Variants in MAN1C1 observed in about 807,000 individuals in gnomAD.
MAN1C1 encodes mannosidase alpha class 1C member 1.
In MAN1C1, 49 loss-of-function variants were observed where a neutral mutation model predicts 71.5. That is an observed-to-expected ratio of 0.69 (90% CI 0.54 to 0.87). The LOEUF is 0.87. Among genes scored for constraint, MAN1C1 ranks in the 40% least tolerant of loss-of-function variants. MAN1C1 has a pLI of 0.00. For synonymous variants in MAN1C1, 352 were observed against 343.7 expected (o/e 1.02, Z -0.27); for missense variants, 743 against 835.0 (o/e 0.89, Z 1.36).
In MAN1C1 at chr1:25,778,084, C is replaced by G. The variant is rs1400126309; in HGVS notation, c.1258-21C>G. The G allele has an allele frequency of 9.2e-6, 14 of 1,526,350 alleles. No individual in the cohort carries two copies. Among genetic ancestry groups the G allele is most frequent in the Non-Finnish European group, 1.2e-5 (14 of 1,130,762 alleles). 94.6% of individuals were successfully genotyped at this position (1,526,350 alleles called of 1,614,324 possible). A position where few individuals can be genotyped will look rare whatever the true frequency, so the allele number is the denominator to read the frequency against. Reference sequence around the variant, plus strand: ...CCCTCCCACGCCCCTTCTCCCTGCCCAATCCCCACCTTGCTCCCAGGCGAT... The same window carrying G: ...CCCTCCCACGCCCCTTCTCCCTGCCGAATCCCCACCTTGCTCCCAGGCGAT... On this transcript the variant is annotated intron_variant, in intron 8 of 11. Coordinates refer to ENST00000374332, the MANE Select transcript of MAN1C1 (RefSeq NM_020379.4). The surrounding 1 kb of genome is among the most constrained non-coding windows in gnomAD (Gnocchi z 5.5).
intron 1 of MAN1C1, among the ~76,000 whole-genome samples, chr1:25,643,563 G>A (rs1488957758): frequency 3.5e-5 from 5 of 142,902 alleles, no homozygotes; most frequent in African/African-American, 7.9e-5. Context: ...GACCCACCAC[G>A]CCTGGCCTTT....
chr1:25,662,221 A>C (rs1328871621), intron 1 of MAN1C1, among the ~76,000 whole-genome samples: 1 of 152,244 alleles, frequency 6.6e-6, no homozygotes, highest in African/African-American at 2.4e-5. Flanking sequence ...GCCTGGCATG[A>C]GGAAATGCTC....
Position 25,782,805 on chromosome 1 carries a change from G to A in MAN1C1, c.1766+105G>A. 1 of 842,800 alleles carries A rather than the reference G, an allele frequency of 1.2e-6. No individual in the cohort carries two copies. Among genetic ancestry groups the A allele is most frequent in the Non-Finnish European group, 1.9e-6 (1 of 514,586 alleles). 52.2% of individuals were successfully genotyped at this position (842,800 alleles called of 1,614,324 possible). On this transcript the variant is annotated intron_variant, in intron 11 of 11. Transcript: ENST00000374332. This position sits in a 1 kb window ranked among gnomAD's most constrained non-coding sequence, Gnocchi z 4.4. ...CAGGTTCTGTGGTCACAGGACGGGA[G>A]CCCAAAAGGGGTGAAGGGCTTGGGA...
At chr1:25,737,964 C>A (rs765243388) in intron 2 of MAN1C1, among the ~76,000 whole-genome samples, 1 of 152,004 alleles carries the variant, frequency 6.6e-6, no homozygotes, top group Non-Finnish European at 1.5e-5. Flanking sequence ...GAACTTGCCA[C>A]GGCTGGGACC....
Position 25,777,673 on chromosome 1 carries a change from A to T in MAN1C1, c.1258-432A>T, listed in dbSNP as rs76679425. On this transcript the variant is annotated intron_variant, in intron 8 of 11. Coordinates refer to ENST00000374332, the MANE Select transcript of MAN1C1 (RefSeq NM_020379.4). ...TTGAGAAACTGGTAAGAATAGATGG[A>T]CACTCTTCCCATAAAGATGCACATC... is the stretch of plus-strand genomic sequence containing the variant. 5.9e-3 allele frequency: 951 copies of T among 161,428 alleles called. 16 individuals carry two copies. The highest frequency in any genetic ancestry group is 0.022 in the African/African-American group (913 of 41,896). The allele number at this position is 161,428 out of a possible 1,614,324, so 10.0% of individuals were successfully genotyped here.
chr1:25,754,425 G>C (rs896623533), intron 5 of MAN1C1, among the ~76,000 whole-genome samples: 3 of 152,052 alleles, frequency 2.0e-5, no homozygotes, highest in Admixed American at 1.3e-4. Context: ...ACCTTTCTCT[G>C]GTCTTGCAAA....
chr1:25,702,766 A>G (rs2046463771), intron 2 of MAN1C1, among the ~76,000 whole-genome samples: 1 of 152,224 alleles, frequency 6.6e-6, no homozygotes, highest in Admixed American at 6.5e-5. Context: ...AGTAGTACCA[A>G]TAAATAGCAG....
chr1:25,677,846 CTTTTTTTTTTTTTTT>C lies in MAN1C1; in HGVS notation c.541-8581_541-8567del, dbSNP rs772618301. On this transcript the variant is annotated intron_variant, in intron 1 of 11. Coordinates refer to ENST00000374332, the MANE Select transcript of MAN1C1 (RefSeq NM_020379.4). ...TCTGACTCCCTGCTGTAAAGACCTCCTTTTTTTTTTTTTTTTTTTTTTTTTTTAATCAAAACCTAA... is the reference window on the plus strand; with the variant it reads ...TCTGACTCCCTGCTGTAAAGACCTCCTTTTTTTTTTTTAATCAAAACCTAA... Among the ~76,000 whole-genome samples, 6 of 98,308 alleles carry C rather than the reference CTTTTTTTTTTTTTTT, an allele frequency of 6.1e-5. No homozygotes were observed. In the Admixed American group the frequency reaches 7.2e-4, roughly 12 times the overall value. 64.5% of individuals were successfully genotyped at this position (98,308 alleles called of 152,430 possible). A position where few individuals can be genotyped will look rare whatever the true frequency, so the allele number is the denominator to read the frequency against.
intron 1 of MAN1C1, among the ~76,000 whole-genome samples, chr1:25,649,548 A>G (rs1420032292): frequency 6.6e-6 from 1 of 152,208 alleles, no homozygotes; most frequent in Non-Finnish European, 1.5e-5. Context: ...GGACTTTACC[A>G]GCAGTCTCTG....
At chr1:25,723,197 C>T (rs1421463559) in intron 2 of MAN1C1, among the ~76,000 whole-genome samples, 1 of 152,230 alleles carries the variant, frequency 6.6e-6, no homozygotes, top group Non-Finnish European at 1.5e-5. Flanking sequence ...GGATGGCACC[C>T]TGTGCCTCAG....
intron 5 of MAN1C1, among the ~76,000 whole-genome samples, chr1:25,755,796 T>C (rs1313605251): frequency 1.3e-5 from 2 of 152,182 alleles, no homozygotes; most frequent in Non-Finnish European, 2.9e-5. Context: ...GGAAGGGGCA[T>C]TGTGGAGCAG....
At chr1:25,768,641 C>A (rs1339220100) in intron 7 of MAN1C1, among the ~76,000 whole-genome samples, 1 of 112,854 alleles carries the variant, frequency 8.9e-6, no homozygotes, top group African/African-American at 3.4e-5. Flanking sequence ...CACAATTACA[C>A]ACTCCCCCAC....
At chr1:25,624,361 A>G (rs1339196219) in intron 1 of MAN1C1, among the ~76,000 whole-genome samples, 2 of 152,156 alleles carry the variant, frequency 1.3e-5, no homozygotes, top group Non-Finnish European at 2.9e-5. Flanking sequence ...TAGAAGCCAC[A>G]GAGACCACAG....
At chr1:25,766,419 C>T (rs772671977) in intron 7 of MAN1C1, among the ~76,000 whole-genome samples, 8 of 152,010 alleles carry the variant, frequency 5.3e-5, no homozygotes, top group African/African-American at 9.7e-5. Context: ...CTTAAGTGCA[C>T]GCACATCATT....
chr1:25,651,369 G>A (rs1314754350), intron 1 of MAN1C1, among the ~76,000 whole-genome samples: 2 of 152,074 alleles, frequency 1.3e-5, no homozygotes, highest in African/African-American at 2.4e-5. Context: ...TGGCCTGTAA[G>A]CCTCTCCTGA....
At chr1:25,673,695 G>A (rs953963763) in intron 1 of MAN1C1, among the ~76,000 whole-genome samples, 1 of 152,302 alleles carries the variant, frequency 6.6e-6, no homozygotes, top group South Asian at 2.1e-4. Flanking sequence ...CTCCCCAGGA[G>A]CACGTCACAG....
At position 25,782,485 on chromosome 1, in the gene MAN1C1, GCTTTC is replaced by G. The variant is rs1557806936; in HGVS notation, c.1651-99_1651-95del. On this transcript the variant is annotated intron_variant, in intron 10 of 11. Coordinates refer to ENST00000374332, the MANE Select transcript of MAN1C1 (RefSeq NM_020379.4). This position sits in a 1 kb window ranked among gnomAD's most constrained non-coding sequence, Gnocchi z 4.4. The stretch of plus-strand genomic sequence containing the variant: ...CAGCCAAGGGGTGGGGGTGCTGTCT[GCTTTC>G]TTCTAGCTCCAGCCTGCCAGGCATG... 11 of 738,682 alleles carry G rather than the reference GCTTTC, an allele frequency of 1.5e-5. No homozygotes were observed. Among genetic ancestry groups the G allele is most frequent in the South Asian group, 1.3e-4 (8 of 60,636 alleles). 45.8% of individuals were successfully genotyped at this position (738,682 alleles called of 1,614,324 possible).
chr1:25,665,371 A>G (rs1038066890), intron 1 of MAN1C1, among the ~76,000 whole-genome samples: 5 of 152,182 alleles, frequency 3.3e-5, no homozygotes, highest in African/African-American at 7.2e-5. Flanking sequence ...TGCCCAATCT[A>G]TGGGGTGAAA....
intron 10 of MAN1C1, 69 bp downstream of exon 10, chr1:25,781,181 G>A (rs1199483506): frequency 1.3e-6 from 2 of 1,566,376 alleles, no homozygotes; most frequent in Non-Finnish European, 1.7e-6. Flanking sequence ...TGGGTGCTAG[G>A]TGCCCTGGCT....
Sources: allele counts gnomAD v4.1 joint callset (sites outside exome capture counted in the v4.1 genomes callset), GRCh38; gene constraint gnomAD v4.1.1; non-coding constraint Gnocchi (gnomAD v3.1); transcripts MANE v1.5; gene names NCBI Gene and HGNC (gene_info 2026-07-23, HGNC 2026-07-21).